Variants in CERS6 observed in about 807,000 individuals in gnomAD.
The protein encoded by CERS6 is LAG1 homolog, ceramide synthase 6.
CERS6 carries 26 observed loss-of-function variants against 56.8 expected under a neutral mutation model. That is an observed-to-expected ratio of 0.46 (90% CI 0.34 to 0.63). The LOEUF is 0.63. Ranked by LOEUF, CERS6 falls within the 30% of genes least tolerant of loss-of-function variation. The pLI, the probability that CERS6 is intolerant of heterozygous loss-of-function variation, is 0.01. For synonymous variants in CERS6, 164 were observed against 173.3 expected (o/e 0.95, Z 0.42); for missense variants, 415 against 467.5 (o/e 0.89, Z 1.04).
At chr2:168,528,891 A>G (rs1035499598) in intron 1 of CERS6, among the ~76,000 whole-genome samples, 2 of 152,252 alleles carry the variant, frequency 1.3e-5, no homozygotes, top group Non-Finnish European at 2.9e-5. Flanking sequence ...AAGTACTTGT[A>G]AAAAGTATAA....
chr2:168,501,335 G>A (rs949707466), intron 1 of CERS6, among the ~76,000 whole-genome samples: 13 of 152,244 alleles, frequency 8.5e-5, no homozygotes, highest in Admixed American at 8.5e-4. Context: ...GCTGTTTCCA[G>A]TGGGGCTGGA....
chr2:168,742,972 G>A (rs200408536), intron 8 of CERS6, among the ~76,000 whole-genome samples: 2 of 151,978 alleles, frequency 1.3e-5, no homozygotes, highest in Admixed American at 6.6e-5. Flanking sequence ...TTATCTCCTC[G>A]GGATGGTTGC....
chr2:168,683,232 C>T (rs1382808443), intron 4 of CERS6, among the ~76,000 whole-genome samples: 1 of 152,096 alleles, frequency 6.6e-6, no homozygotes, highest in East Asian at 1.9e-4. Flanking sequence ...TTCCAGTTTG[C>T]AGAGTATTGG....
chr2:168,530,627 C>T (rs1412450975), intron 1 of CERS6, among the ~76,000 whole-genome samples: 2 of 152,100 alleles, frequency 1.3e-5, no homozygotes, highest in African/African-American at 2.4e-5. Context: ...CAGCTAGATT[C>T]TGTGTTTCTT....
At chr2:168,746,552 CTTTG>C (rs1367438171) in intron 8 of CERS6, among the ~76,000 whole-genome samples, 2 of 151,374 alleles carry the variant, frequency 1.3e-5, no homozygotes, top group Non-Finnish European at 2.9e-5. Context: ...TTCTGCTTGA[CTTTG>C]TTTCTGTGGT....
chr2:168,551,837 G>T (rs1695578328), intron 2 of CERS6, among the ~76,000 whole-genome samples: 1 of 152,102 alleles, frequency 6.6e-6, no homozygotes, highest in African/African-American at 2.4e-5. Context: ...TTTTGAGCTC[G>T]TGTTTCTTAA....
chr2:168,736,743 G>A (rs957888909), intron 8 of CERS6, among the ~76,000 whole-genome samples: 8 of 152,220 alleles, frequency 5.3e-5, no homozygotes, highest in African/African-American at 9.6e-5. Flanking sequence ...AAAGAGAATC[G>A]TGTGATGGCT....
At chr2:168,641,587 T>A (rs1685048974) in intron 4 of CERS6, among the ~76,000 whole-genome samples, 1 of 152,208 alleles carries the variant, frequency 6.6e-6, no homozygotes, top group Non-Finnish European at 1.5e-5. Context: ...CCCCTCACCA[T>A]TGAACACCTA....
At position 168,543,448 on chromosome 2, in the gene CERS6, T is replaced by C. The variant is rs549199914; in HGVS notation, c.171-4148T>C. Reference sequence around the variant, plus strand: ...ATGAAAGACAGCCTTTGTGAACTTATTTATGTTAGAACTGGCATTAAAAAA... The same window carrying C: ...ATGAAAGACAGCCTTTGTGAACTTACTTATGTTAGAACTGGCATTAAAAAA... On this transcript the variant is annotated intron_variant, in intron 1 of 9. Coordinates refer to ENST00000305747, the MANE Select transcript of CERS6 (RefSeq NM_203463.3). Among the ~76,000 whole-genome samples, 12 of 151,654 alleles carry C rather than the reference T, an allele frequency of 7.9e-5. 1 individual carries two copies. In the South Asian group the frequency reaches 2.3e-3, roughly 29 times the overall value.
intron 1 of CERS6, among the ~76,000 whole-genome samples, chr2:168,509,877 A>G (rs1694747402): frequency 6.6e-6 from 1 of 152,096 alleles, no homozygotes. Context: ...CCTGATCAAC[A>G]CAGTCAGACT....
chr2:168,509,991 A>C (rs1343103973), intron 1 of CERS6, among the ~76,000 whole-genome samples: 1 of 152,198 alleles, frequency 6.6e-6, no homozygotes, highest in African/African-American at 2.4e-5. Context: ...CTTATGTATA[A>C]AAAGCAGGTA....
intron 1 of CERS6, among the ~76,000 whole-genome samples, chr2:168,457,582 G>T (rs752155186): frequency 6.6e-6 from 1 of 151,826 alleles, no homozygotes; most frequent in Non-Finnish European, 1.5e-5. Flanking sequence ...CCCCTTTCTT[G>T]TACCCTCCCC....
rs1391069532 is a variant in CERS6 at position 168,772,920 on chromosome 2, C to T, written c.*3258C>T. The T allele has an allele frequency of 6.6e-6, 1 of 152,538 alleles. No homozygotes were observed. Among genetic ancestry groups the T allele is most frequent in the African/African-American group, 2.4e-5 (1 of 41,434 alleles). The allele number at this position is 152,538 out of a possible 1,614,324, so 9.4% of individuals were successfully genotyped here. A position where few individuals can be genotyped will look rare whatever the true frequency, so the allele number is the denominator to read the frequency against. ...CCTTTGATCAAAATGGTTGGTGAAC[C>T]TCCACATGTCCAGTTCTGTTGCCAA... On this transcript the variant is annotated 3_prime_UTR_variant, in exon 10 of 10. Transcript: ENST00000305747.
At chr2:168,545,128 C>T (rs759885308) in intron 1 of CERS6, among the ~76,000 whole-genome samples, 13 of 151,710 alleles carry the variant, frequency 8.6e-5, no homozygotes, top group Non-Finnish European at 1.5e-4. Flanking sequence ...TAGAAACACA[C>T]ACATGTATTT....
chr2:168,754,145 C>T (rs763339662), intron 8 of CERS6, among the ~76,000 whole-genome samples: 23 of 152,082 alleles, frequency 1.5e-4, no homozygotes, highest in Non-Finnish European at 2.6e-4. Flanking sequence ...AGCCAGGAGG[C>T]ACTATGGGTC....
intron 2 of CERS6, among the ~76,000 whole-genome samples, chr2:168,559,060 G>T (rs1223058181): frequency 1.3e-5 from 2 of 152,060 alleles, no homozygotes; most frequent in African/African-American, 2.4e-5. Flanking sequence ...AATAAACTAA[G>T]AAAATAAATT....
intron 6 of CERS6, among the ~76,000 whole-genome samples, chr2:168,705,040 G>A (rs1012685438): frequency 1.3e-5 from 2 of 152,012 alleles, no homozygotes; most frequent in Non-Finnish European, 2.9e-5. Flanking sequence ...TCACACGTCC[G>A]TTTCTGAGAA....
intron 4 of CERS6, among the ~76,000 whole-genome samples, chr2:168,638,844 A>C (rs1227750142): frequency 1.3e-5 from 2 of 152,218 alleles, no homozygotes. Flanking sequence ...TTAGGACTTC[A>C]TAAAGCTGAA....
intron 3 of CERS6, among the ~76,000 whole-genome samples, chr2:168,580,774 A>G (rs1683389326): frequency 6.6e-6 from 1 of 152,076 alleles, no homozygotes; most frequent in African/African-American, 2.4e-5. Flanking sequence ...TGAGTATAGA[A>G]TTCTAGTCTA....
Sources: gnomAD v4.1 joint callset for allele counts (sites outside exome capture counted in the v4.1 genomes callset) on GRCh38, gnomAD v4.1.1 for gene constraint, MANE v1.5 for transcripts, NCBI Gene and HGNC (gene_info 2026-07-23, HGNC 2026-07-21) for gene names.